Variants in ADGRE1 observed in about 807,000 individuals in gnomAD.
ADGRE1 encodes the protein EGF-like module receptor 1.
In ADGRE1, 82 loss-of-function variants were observed where a neutral mutation model predicts 102.7. That is an observed-to-expected ratio of 0.80 (90% CI 0.67 to 0.96). The LOEUF is 0.96. Among genes scored for constraint, ADGRE1 ranks in the 40% least tolerant of loss-of-function variants. The probability of loss-of-function intolerance (pLI) is 0.00; values close to 1 mark genes in which losing one functional copy is unlikely to be tolerated. For synonymous variants in ADGRE1, 398 were observed against 399.6 expected (o/e 1.00, Z 0.05); for missense variants, 1,032 against 1,085.3 (o/e 0.95, Z 0.69).
intron 15 of ADGRE1, 82 bp downstream of exon 15, chr19:6,924,954 AT>A (rs1217190082): frequency 3.9e-5 from 56 of 1,451,732 alleles, no homozygotes; most frequent in Non-Finnish European, 5.3e-5. Flanking sequence ...AACTCCCTCT[AT>A]CCCTGTTCCT....
chr19:6,911,630 AACAC>A (rs80238315), intron 10 of ADGRE1, among the ~76,000 whole-genome samples: 20 of 151,128 alleles, frequency 1.3e-4, no homozygotes, highest in Non-Finnish European at 3.0e-5. Context: ...CATACAAATA[AACAC>A]ACACACATAT....
intron 6 of ADGRE1, 41 bp downstream of exon 6, chr19:6,902,062 T>C: frequency 6.2e-7 from 1 of 1,610,756 alleles, no homozygotes; most frequent in South Asian, 1.1e-5. Flanking sequence ...TCCAAGTCTG[T>C]TTGAAAAGAC....
At position 6,919,712 on chromosome 19, in the gene ADGRE1, T is replaced by A. The variant is rs781288267; in HGVS notation, c.1585T>A (p.Ser529Thr). The change falls in exon 13 of 21, where the codon TCA becomes ACA. Residue 529 changes from serine (S) to threonine (T), a missense_variant. Coordinates refer to ENST00000312053, the MANE Select transcript of ADGRE1 (RefSeq NM_001974.5). ...IMTGEKKDGF[S>T]DPIIYTLENI... ...GACTGGAGAGAAGAAAGACGGCTTC[T>A]CAGATCCAATCATCTACACTCTGGA... is the stretch of plus-strand genomic sequence containing the variant. 10 of 1,613,100 alleles carry A rather than the reference T, an allele frequency of 6.2e-6. No individual in the cohort carries two copies. Among genetic ancestry groups the A allele is most frequent in the Non-Finnish European group, 8.5e-6 (10 of 1,179,654 alleles).
chr19:6,930,064 C>A (rs542369198), intron 17 of ADGRE1, among the ~76,000 whole-genome samples: 8 of 152,166 alleles, frequency 5.3e-5, no homozygotes, highest in African/African-American at 1.7e-4. Context: ...TCGATTCTAC[C>A]GGCTGCTCTC....
intron 2 of ADGRE1, among the ~76,000 whole-genome samples, chr19:6,893,070 G>A (rs1024302782): frequency 3.3e-5 from 5 of 152,024 alleles, no homozygotes; most frequent in Admixed American, 6.5e-5. Flanking sequence ...TAGCTCCCAC[G>A]TAGGAACGAG....
At position 6,903,883 on chromosome 19, in the gene ADGRE1, C is replaced by T. The variant is rs1173492663; in HGVS notation, c.735C>T (p.Thr245=). Residue 245 remains threonine (T), a synonymous_variant, in exon 7 of 21, where the codon ACC becomes ACT. Transcript: ENST00000312053. The part of the protein sequence containing the change: ...CTNTPGSYFC[T]CHPGFAPSNG... ...ACACTCCTGGGAGCTACTTTTGCAC[C>T]TGCCACCCTGGCTTTGCACCAAGCA... 1.2e-6 allele frequency: 2 copies of T among 1,614,092 alleles called. No individual in the cohort carries two copies. The highest frequency in any genetic ancestry group is 1.7e-5 in the Admixed American group (1 of 60,000).
In ADGRE1 at chr19:6,919,742, A is replaced by G. The variant is rs461645; in HGVS notation, c.1615A>G (p.Ile539Val). Residue 539 changes from isoleucine to valine, a missense_variant, in exon 13 of 21, where the codon ATT (isoleucine) becomes GTT (valine). By Grantham distance (29) the Ile-to-Val change is conservative. Transcript: ENST00000312053. Reference protein sequence around the residue: ...SDPIIYTLENIQPKQKFERPI... With the variant: ...SDPIIYTLENVQPKQKFERPI... ...TCCAATCATCTACACTCTGGAGAAC[A>G]TTCAGGTTTGTGAAGAGGTCTCTAC... 1,258,059 of 1,612,378 alleles carry G rather than the reference A, an allele frequency of 0.78. 492,849 individuals are homozygous for G. The highest frequency in any genetic ancestry group is 0.81 in the East Asian group (36,236 of 44,786).
intron 5 of ADGRE1, among the ~76,000 whole-genome samples, chr19:6,898,862 C>T (rs565193937): frequency 5.3e-5 from 8 of 152,162 alleles, no homozygotes; most frequent in African/African-American, 1.2e-4. Flanking sequence ...CTGTGGGTGT[C>T]TTTACATGTT....
At chr19:6,918,551 G>A (rs946131421) in intron 12 of ADGRE1, among the ~76,000 whole-genome samples, 1 of 152,158 alleles carries the variant, frequency 6.6e-6, no homozygotes, top group African/African-American at 2.4e-5. Flanking sequence ...ACAGGAAGCG[G>A]CATAGGACGT....
intron 13 of ADGRE1, among the ~76,000 whole-genome samples, chr19:6,920,444 C>T (rs371277002): frequency 6.6e-6 from 1 of 150,392 alleles, no homozygotes; most frequent in African/African-American, 2.4e-5. Context: ...TGGTCTTGAT[C>T]TCCTGACCTC....
At chr19:6,924,988 T>G in intron 15 of ADGRE1, 116 bp downstream of exon 15, 43 of 1,012,430 alleles carry the variant, frequency 4.2e-5, no homozygotes, top group Non-Finnish European at 5.4e-5. Flanking sequence ...TTGCATATGC[T>G]GTGCCCTCTG....
At chr19:6,923,530 T>G (rs1421728945) in intron 14 of ADGRE1, among the ~76,000 whole-genome samples, 1 of 152,000 alleles carries the variant, frequency 6.6e-6, no homozygotes, top group Non-Finnish European at 1.5e-5. Context: ...TTTTCTTTCT[T>G]TTTCTTTTTC....
chr19:6,900,839 C>T (rs1354017528), intron 5 of ADGRE1, among the ~76,000 whole-genome samples: 2 of 152,238 alleles, frequency 1.3e-5, no homozygotes, highest in Non-Finnish European at 2.9e-5. Context: ...CACTGGGTAA[C>T]AAATTGTCTT....
At chr19:6,927,876 A>AGG (rs1974985922) in intron 16 of ADGRE1, among the ~76,000 whole-genome samples, 1 of 152,120 alleles carries the variant, frequency 6.6e-6, no homozygotes, top group African/African-American at 2.4e-5. Context: ...TTCTGCATAG[A>AGG]GGGAAACAGG....
rs756925545 is a variant in ADGRE1 at position 6,897,313 on chromosome 19, C to T, written c.394+9C>T. 6.2e-7 allele frequency: 1 copy of T among 1,613,738 alleles called. No individual in the cohort carries two copies. ...CAATTTCTCCTGTACTGGTAATGCTCTCAGGTTCCCAGGGATGGGTCTTGG... is the reference window on the plus strand; with the variant it reads ...CAATTTCTCCTGTACTGGTAATGCTTTCAGGTTCCCAGGGATGGGTCTTGG... On this transcript the variant is annotated intron_variant, in intron 4 of 20. Transcript: ENST00000312053.
chr19:6,938,710 C>A (rs1183398286), intron 20 of ADGRE1, among the ~76,000 whole-genome samples: 2 of 151,542 alleles, frequency 1.3e-5, no homozygotes, highest in African/African-American at 4.9e-5. Context: ...TCGGACATAG[C>A]AGGATCTCAG....
In ADGRE1 at chr19:6,906,516, G is replaced by A. The variant is rs751960304; in HGVS notation, c.1033G>A (p.Ala345Thr). The A allele has an allele frequency of 6.2e-7, 1 of 1,612,900 alleles. No individual in the cohort carries two copies. Among genetic ancestry groups the A allele is most frequent in the Non-Finnish European group, 8.5e-7 (1 of 1,179,338 alleles). Residue 345 changes from alanine (A) to threonine (T), a missense_variant, in exon 9 of 21, where the codon GCA (alanine) becomes ACA (threonine). Coordinates refer to ENST00000312053, the MANE Select transcript of ADGRE1 (RefSeq NM_001974.5). ...CCAAGAGGGAACCGCAGTGAAACCT[G>A]CATATGCAAGTATTTTTTAAGGTTC... ...QCQEGTAVKPAYVSFCAQINN... is the reference protein window; with the variant it reads ...QCQEGTAVKPTYVSFCAQINN...
intron 12 of ADGRE1, 95 bp from the exon 13 acceptor site, chr19:6,919,452 GT>G: frequency 1.6e-6 from 1 of 618,270 alleles, no homozygotes; most frequent in Non-Finnish European, 2.8e-6. Flanking sequence ...CTGTGTGTGT[GT>G]GTGTGTGTGT....
chr19:6,904,754 C>T (rs1436264251), intron 8 of ADGRE1, among the ~76,000 whole-genome samples: 2 of 152,094 alleles, frequency 1.3e-5, no homozygotes, highest in African/African-American at 4.8e-5. Flanking sequence ...GATCAGCCCG[C>T]CTCGGCCTCC....
Sources: gnomAD v4.1 joint callset for allele counts (sites outside exome capture counted in the v4.1 genomes callset) on GRCh38, gnomAD v4.1.1 for gene constraint, MANE v1.5 for transcripts, NCBI Gene and HGNC (gene_info 2026-07-23, HGNC 2026-07-21) for gene names.